Variants in ADAMTS17 observed in about 807,000 individuals in gnomAD.
The protein encoded by ADAMTS17 is A disintegrin and metalloproteinase with thrombospondin motifs 17.
ADAMTS17 carries 113 observed loss-of-function variants against 141.5 expected under a neutral mutation model. The observed-to-expected ratio is 0.80, with a 90% CI of 0.69 to 0.93. ADAMTS17 has a LOEUF of 0.93. Ranked by LOEUF, ADAMTS17 falls within the 40% of genes least tolerant of loss-of-function variation. The probability of loss-of-function intolerance (pLI) is 0.00; values close to 1 mark genes in which losing one functional copy is unlikely to be tolerated. For missense variants in ADAMTS17, 1,659 were observed against 1,517.9 expected, an observed-to-expected ratio of 1.09 and a Z score of -1.54; for synonymous variants, 768 against 630.6, an observed-to-expected ratio of 1.22 and a Z score of -3.27.
chr15:100,132,010 G>A lies in ADAMTS17; in HGVS notation c.1718C>T (p.Pro573Leu). ...TATGGCTGGTCAGGGGACTTACGGGGGGTTGTCACATTTCCTCTGCCTGAA... is the reference window on the plus strand; with the variant it reads ...TATGGCTGGTCAGGGGACTTACGGGAGGTTGTCACATTTCCTCTGCCTGAA... ...ARFRQRKCDN[P>L]PPGPGGTHCP... Residue 573 changes from proline to leucine, a missense_variant, in exon 12 of 22, where the codon CCC becomes CTC. Physicochemically the swap from Pro to Leu is moderately conservative, Grantham distance 98 (BLOSUM62 -3). Transcript: ENST00000268070. 1 of 1,614,218 alleles carries A rather than the reference G, an allele frequency of 6.2e-7. No individual in the cohort carries two copies. The highest frequency in any genetic ancestry group is 8.5e-7 in the Non-Finnish European group (1 of 1,180,040).
chr15:100,065,823 T>C (rs991381491), intron 15 of ADAMTS17, among the ~76,000 whole-genome samples: 1 of 152,200 alleles, frequency 6.6e-6, no homozygotes, highest in African/African-American at 2.4e-5. Context: ...CACCTCGGTT[T>C]TAAGCCCTGC....
chr15:100,135,485 G>A (rs35232962), intron 10 of ADAMTS17, among the ~76,000 whole-genome samples: 200 of 152,018 alleles, frequency 1.3e-3, no homozygotes, highest in Middle Eastern at 3.4e-3. Context: ...GGGTTTCAGC[G>A]TGTTAGCCAG....
chr15:100,022,930 C>T (rs1379405561), intron 18 of ADAMTS17, among the ~76,000 whole-genome samples: 1 of 152,132 alleles, frequency 6.6e-6, no homozygotes, highest in Non-Finnish European at 1.5e-5. Flanking sequence ...GAGACTTTTG[C>T]TCAGCAAGTA....
At chr15:100,036,265 C>T (rs62041027) in intron 18 of ADAMTS17, among the ~76,000 whole-genome samples, 6,720 of 152,250 alleles carry the variant, frequency 0.044, 232 homozygotes, top group Middle Eastern at 0.11. Context: ...CGAAGGGCAA[C>T]GGACCACACT....
Position 100,155,293 on chromosome 15 carries a change from G to A in ADAMTS17, c.1209C>T (p.His403=). ...TGTGGGACCTGCCAGCGCAAGATGA[G>A]TGGTCATCGTCGTGGTTCATGCCCA... ...HNLGMNHDDD[H]SSCAGRSHIM... is the part of the protein sequence containing the mutation. Residue 403 remains histidine (H), a synonymous_variant, in exon 9 of 22, where the codon CAC becomes CAT. Transcript: ENST00000268070. The A allele has an allele frequency of 6.2e-7, 1 of 1,614,130 alleles. No individual in the cohort carries two copies. The highest frequency in any genetic ancestry group is 8.5e-7 in the Non-Finnish European group (1 of 1,179,998).
intron 18 of ADAMTS17, among the ~76,000 whole-genome samples, chr15:100,011,593 C>T (rs1361970156): frequency 2.0e-5 from 3 of 152,056 alleles, no homozygotes; most frequent in African/African-American, 7.2e-5. Flanking sequence ...TCCTATGTGC[C>T]AGGCAATGTT....
chr15:100,178,637 G>A (rs972529019), intron 8 of ADAMTS17, among the ~76,000 whole-genome samples: 9 of 151,810 alleles, frequency 5.9e-5, no homozygotes, highest in African/African-American at 2.2e-4. Flanking sequence ...TTTTACTATT[G>A]TTCTGTTGTT....
chr15:100,018,892 G>A (rs1272120261), intron 18 of ADAMTS17, among the ~76,000 whole-genome samples: 45 of 152,120 alleles, frequency 3.0e-4, no homozygotes, highest in Non-Finnish European at 1.5e-5. Context: ...TTCTCACACG[G>A]TACTGGTGAG....
intron 18 of ADAMTS17, among the ~76,000 whole-genome samples, chr15:100,043,628 C>T (rs143159442): frequency 7.0e-4 from 107 of 151,950 alleles, no homozygotes; most frequent in African/African-American, 2.4e-3. Flanking sequence ...AACCCAAGGG[C>T]GAATAACAAA....
chr15:100,209,373 G>T (rs909958207), intron 7 of ADAMTS17, among the ~76,000 whole-genome samples: 3 of 152,132 alleles, frequency 2.0e-5, no homozygotes, highest in African/African-American at 7.2e-5. Context: ...CTGAACGCCA[G>T]CTCCTGAGTT....
Position 100,325,886 on chromosome 15 carries a change from G to T in ADAMTS17, c.616+5003C>A, listed in dbSNP as rs2045885030. Among the ~76,000 whole-genome samples, 6 of 152,318 alleles carry T rather than the reference G, an allele frequency of 3.9e-5. No homozygotes were observed. In the South Asian group the frequency reaches 1.2e-3, roughly 32 times the overall value. On this transcript the variant is annotated intron_variant, in intron 3 of 21. Coordinates refer to ENST00000268070, the MANE Select transcript of ADAMTS17 (RefSeq NM_139057.4). ...AGCCATCTGCAAGCCAAGGAGAGAAGCCTGGAACAGATCCTTTCCTCATAG... is the reference window on the plus strand; with the variant it reads ...AGCCATCTGCAAGCCAAGGAGAGAATCCTGGAACAGATCCTTTCCTCATAG...
intron 2 of ADAMTS17, among the ~76,000 whole-genome samples, chr15:100,335,581 T>C (rs1357702089): frequency 6.6e-6 from 1 of 152,172 alleles, no homozygotes; most frequent in African/African-American, 2.4e-5. Context: ...ACGTGGCAGG[T>C]GCGTGATAAT....
Position 99,994,452 on chromosome 15 carries a change from T to TAA in ADAMTS17, c.2797-1254_2797-1253dup, listed in dbSNP as rs113195908. ...GGGAAACATACAGACCCCAATCTCT[T>TAA]AAAAAAAAAAAAAAAATCCCACTGT... On this transcript the variant is annotated intron_variant, in intron 19 of 21. Coordinates refer to ENST00000268070, the MANE Select transcript of ADAMTS17 (RefSeq NM_139057.4). 3.0e-3 allele frequency among the ~76,000 whole-genome samples: 427 copies of TAA among 141,410 alleles called. 3 individuals are homozygous for TAA. The highest frequency in any genetic ancestry group is 3.7e-3 in the Middle Eastern group (1 of 268). 92.8% of individuals were successfully genotyped at this position (141,410 alleles called of 152,430 possible).
In ADAMTS17 at chr15:100,133,022, C is replaced by T. The variant is rs528483825; in HGVS notation, c.1575+192G>A. Among the ~76,000 whole-genome samples the T allele has an allele frequency of 2.6e-5, 4 of 152,282 alleles. No homozygotes were observed. The South Asian group carries it at 8.3e-4, about 32-fold the overall frequency. Reference sequence around the variant, plus strand: ...AATATTAAGTAAATGATACTTGTATCTTATAAGAAAAAGGAATGAGGTGAT... The same window carrying T: ...AATATTAAGTAAATGATACTTGTATTTTATAAGAAAAAGGAATGAGGTGAT... On this transcript the variant is annotated intron_variant, in intron 11 of 21. Coordinates refer to ENST00000268070, the MANE Select transcript of ADAMTS17 (RefSeq NM_139057.4).
intron 8 of ADAMTS17, among the ~76,000 whole-genome samples, chr15:100,184,856 G>A (rs1047489892): frequency 2.0e-5 from 3 of 152,148 alleles, no homozygotes; most frequent in Non-Finnish European, 4.4e-5. Context: ...TGGCAGGTAT[G>A]ATAGGGTCCT....
intron 13 of ADAMTS17, among the ~76,000 whole-genome samples, chr15:100,113,575 TAA>T (rs1444321281): frequency 1.3e-5 from 2 of 152,210 alleles, no homozygotes; most frequent in Non-Finnish European, 2.9e-5. Flanking sequence ...TGGATTTACA[TAA>T]GAGGTGCCGT....
chr15:100,188,372 C>T (rs777999840), intron 8 of ADAMTS17, among the ~76,000 whole-genome samples: 5 of 151,422 alleles, frequency 3.3e-5, no homozygotes, highest in Admixed American at 6.6e-5. Context: ...CTACCACGCC[C>T]GGCCACGAAG....
intron 15 of ADAMTS17, among the ~76,000 whole-genome samples, chr15:100,069,011 T>A (rs368508693): frequency 6.6e-6 from 1 of 152,130 alleles, no homozygotes; most frequent in South Asian, 2.1e-4. Context: ...ATTACATGAA[T>A]GGCTAACTAG....
intron 17 of ADAMTS17, among the ~76,000 whole-genome samples, chr15:100,049,463 C>T (rs567995476): frequency 4.6e-5 from 7 of 152,278 alleles, no homozygotes; most frequent in Non-Finnish European, 7.4e-5. Flanking sequence ...CTGGAAGACA[C>T]ACAGACCTGC....
Sources: gnomAD v4.1 joint callset for allele counts (sites outside exome capture counted in the v4.1 genomes callset) on GRCh38, gnomAD v4.1.1 for gene constraint, MANE v1.5 for transcripts, NCBI Gene and HGNC (gene_info 2026-07-23, HGNC 2026-07-21) for gene names.